The following GFRA2 variants were observed in gnomAD, a reference collection of about 807,000 sequenced individuals.
GFRA2 encodes GDNF family receptor alpha 2.
In GFRA2, 17 loss-of-function variants were observed where a neutral mutation model predicts 48.3. The observed-to-expected ratio is 0.35, with a 90% CI of 0.24 to 0.53. The LOEUF (loss-of-function observed/expected upper bound fraction) is 0.53. GFRA2 is among the 20% of genes least tolerant of loss of function. GFRA2 has a pLI of 0.93. For synonymous variants in GFRA2, 305 were observed against 257.2 expected (o/e 1.19, Z -1.78); for missense variants, 660 against 637.3 (o/e 1.04, Z -0.38).
chr8:21,714,058 T>A (rs1803205544), intron 4 of GFRA2, among the ~76,000 whole-genome samples: 2 of 150,742 alleles, frequency 1.3e-5, no homozygotes, highest in Admixed American at 1.3e-4. Context: ...GGATACATAC[T>A]TCCCAGCACT....
intron 2 of GFRA2, among the ~76,000 whole-genome samples, chr8:21,802,039 A>C (rs1363313036): frequency 6.6e-6 from 1 of 152,178 alleles, no homozygotes; most frequent in African/African-American, 2.4e-5. Flanking sequence ...TCCATTTCTG[A>C]CACCACCATG....
chr8:21,697,899 T>C (rs1213782562), intron 7 of GFRA2, among the ~76,000 whole-genome samples: 3 of 152,194 alleles, frequency 2.0e-5, no homozygotes, highest in Admixed American at 6.5e-5. Context: ...CTTCATCTTC[T>C]GCCATGATTG....
chr8:21,730,395 C>T (rs1323058510), intron 4 of GFRA2, among the ~76,000 whole-genome samples: 1 of 106,270 alleles, frequency 9.4e-6, no homozygotes, highest in Non-Finnish European at 2.3e-5. Flanking sequence ...AAGAGCAAAA[C>T]TCTGTCTCAA....
intron 3 of GFRA2, among the ~76,000 whole-genome samples, chr8:21,768,292 A>AATAAC (rs1369379707): frequency 6.6e-6 from 1 of 152,212 alleles, no homozygotes; most frequent in Non-Finnish European, 1.5e-5. Flanking sequence ...TTGAAATTTA[A>AATAAC]ATAACATGCT....
Position 21,693,240 on chromosome 8 carries a change from C to T in GFRA2, c.*38G>A, listed in dbSNP as rs143786626. 3.8e-5 allele frequency: 60 copies of T among 1,588,516 alleles called. No homozygotes were observed. Among genetic ancestry groups the T allele is most frequent in the East Asian group, 1.6e-4 (7 of 44,038 alleles). The stretch of plus-strand genomic sequence containing the variant: ...TTCGTCAGGCGGCTGTTCTTGTCTG[C>T]GTAGCTTTCAAAAATATTCTGACTC... On this transcript the variant is annotated 3_prime_UTR_variant, in exon 9 of 9. Coordinates refer to ENST00000524240, the MANE Select transcript of GFRA2 (RefSeq NM_001495.5).
chr8:21,751,088 A>T, intron 3 of GFRA2, 146 bp from the exon 4 acceptor site: 1 of 640,290 alleles, frequency 1.6e-6, no homozygotes, highest in Non-Finnish European at 2.7e-6. Flanking sequence ...CGAAATGGGG[A>T]TCACTTCACA....
At chr8:21,744,550 A>AACACACACACAC (rs71721911) in intron 4 of GFRA2, among the ~76,000 whole-genome samples, 2,678 of 140,162 alleles carry the variant, frequency 0.019, 102 homozygotes, top group African/African-American at 0.07. Flanking sequence ...AACCACCACC[A>AACACACACACAC]ACACACACAC....
At chr8:21,746,798 A>G (rs541639752) in intron 4 of GFRA2, among the ~76,000 whole-genome samples, 1 of 147,708 alleles carries the variant, frequency 6.8e-6, no homozygotes, top group Admixed American at 6.8e-5. Context: ...CAGAAAAGCA[A>G]AAAAAAAAAA....
chr8:21,751,943 G>A (rs908283474), intron 3 of GFRA2, among the ~76,000 whole-genome samples: 2 of 152,170 alleles, frequency 1.3e-5, no homozygotes, highest in African/African-American at 4.8e-5. Context: ...CCAAGACTGG[G>A]CATTCTAGAG....
In GFRA2 at chr8:21,690,704, G is replaced by C. The variant is rs978644467; in HGVS notation, c.*2574C>G. 2 of 152,202 alleles carry C rather than the reference G, an allele frequency of 1.3e-5. No homozygotes were observed. The highest frequency in any genetic ancestry group is 1.9e-4 in the East Asian group (1 of 5,182). 9.4% of individuals were successfully genotyped at this position (152,202 alleles called of 1,614,324 possible). On this transcript the variant is annotated 3_prime_UTR_variant, in exon 9 of 9. Transcript: ENST00000524240. ...CTCTCTCTCACACTCAAGTATGGCA[G>C]AGGGCAGGCACAAGGCCCAGTTCAG...
At chr8:21,735,214 T>C (rs1804391584) in intron 4 of GFRA2, among the ~76,000 whole-genome samples, 1 of 152,146 alleles carries the variant, frequency 6.6e-6, no homozygotes, top group Non-Finnish European at 1.5e-5. Flanking sequence ...CTGTCTCAAA[T>C]TTTCAGGGTT....
chr8:21,705,710 C>A (rs7813735), intron 5 of GFRA2, among the ~76,000 whole-genome samples: 1 of 152,032 alleles, frequency 6.6e-6, no homozygotes, highest in Non-Finnish European at 1.5e-5. Context: ...CTTTAGGAGG[C>A]CCCTGGGGCC....
chr8:21,746,493 C>T (rs973163242), intron 4 of GFRA2, among the ~76,000 whole-genome samples: 1 of 152,144 alleles, frequency 6.6e-6, no homozygotes. Context: ...CATCCTGGAG[C>T]AATCAGAATT....
chr8:21,709,906 G>A (rs751793604), intron 4 of GFRA2, among the ~76,000 whole-genome samples: 7 of 152,216 alleles, frequency 4.6e-5, no homozygotes, highest in Non-Finnish European at 8.8e-5. Flanking sequence ...ATGGCTTCCT[G>A]TTCCTTTGCC....
chr8:21,712,068 C>A (rs1385348362), intron 4 of GFRA2, among the ~76,000 whole-genome samples: 2 of 152,244 alleles, frequency 1.3e-5, no homozygotes, highest in African/African-American at 2.4e-5. Context: ...TGAAAAGTCT[C>A]CCATGTCTAC....
rs116333415 is a variant in GFRA2 at position 21,697,999 on chromosome 8, C to T, written c.1219-3482G>A. On this transcript the variant is annotated intron_variant, in intron 7 of 8. Coordinates refer to ENST00000524240, the MANE Select transcript of GFRA2 (RefSeq NM_001495.5). ...GTCTCAGGTATGTCTTTATTAGCAG[C>T]GTGAGAACAGACTAATACAACCACC... is the stretch of plus-strand genomic sequence containing the variant. Among the ~76,000 whole-genome samples, 442 of 152,272 alleles carry T rather than the reference C, an allele frequency of 2.9e-3. 1 individual carries two copies. The highest frequency in any genetic ancestry group is 0.01 in the African/African-American group (422 of 41,546).
intron 4 of GFRA2, among the ~76,000 whole-genome samples, chr8:21,725,315 G>C (rs1011788480): frequency 2.6e-5 from 4 of 152,220 alleles, no homozygotes; most frequent in African/African-American, 9.6e-5. Flanking sequence ...GGCAGCTGTG[G>C]TCAGCAACAG....
intron 1 of GFRA2, among the ~76,000 whole-genome samples, chr8:21,811,807 A>C (rs1354690436): frequency 6.6e-6 from 1 of 151,636 alleles, no homozygotes; most frequent in African/African-American, 2.4e-5. Flanking sequence ...AACTTAAAAC[A>C]ACACTTCTGG....
chr8:21,790,454 G>C (rs1004666288), upstream of GFRA2, among the ~76,000 whole-genome samples: 27 of 152,382 alleles, frequency 1.8e-4, no homozygotes, highest in African/African-American at 6.5e-4. Flanking sequence ...GGACGAGAAG[G>C]GAGGGGTCAC....
Sources: allele counts gnomAD v4.1 joint callset (sites outside exome capture counted in the v4.1 genomes callset), GRCh38; gene constraint gnomAD v4.1.1; transcripts MANE v1.5; gene names NCBI Gene and HGNC (gene_info 2026-07-23, HGNC 2026-07-21).